Variants in TAFA2 observed in about 807,000 individuals in gnomAD.
TAFA2 encodes the protein chemokine-like protein TAFA-2.
A neutral mutation model predicts 18.8 loss-of-function variants in TAFA2; 7 were observed. The observed-to-expected ratio is 0.37, with a 90% CI of 0.21 to 0.70. The LOEUF (loss-of-function observed/expected upper bound fraction) is 0.70, where lower values mean the gene tolerates loss of function less well. TAFA2 is among the 30% of genes least tolerant of loss of function. The probability of loss-of-function intolerance (pLI) is 0.53; values close to 1 mark genes in which losing one functional copy is unlikely to be tolerated. For missense variants in TAFA2, 122 were observed against 158.1 expected, an observed-to-expected ratio of 0.77 and a Z score of 1.23; for synonymous variants, 60 against 54.2, an observed-to-expected ratio of 1.11 and a Z score of -0.47.
At chr12:61,897,741 G>A (rs1875914486) in intron 1 of TAFA2, among the ~76,000 whole-genome samples, 2 of 152,140 alleles carry the variant, frequency 1.3e-5, no homozygotes, top group African/African-American at 4.8e-5. Context: ...GGGACACAGA[G>A]CCAAACCATA....
At chr12:62,225,822 A>C (rs1321581812) in intron 1 of TAFA2, among the ~76,000 whole-genome samples, 1 of 152,216 alleles carries the variant, frequency 6.6e-6, no homozygotes, top group Admixed American at 6.5e-5. Context: ...TTAATAACAC[A>C]TTCTTGGCAA....
chr12:62,074,284 T>C (rs755041147), intron 1 of TAFA2, among the ~76,000 whole-genome samples: 2 of 152,238 alleles, frequency 1.3e-5, no homozygotes, highest in African/African-American at 2.4e-5. Context: ...CCAGCAAATA[T>C]CATTAAGTAC....
At chr12:61,973,414 T>C (rs1440227691) in intron 1 of TAFA2, among the ~76,000 whole-genome samples, 1 of 120,468 alleles carries the variant, frequency 8.3e-6, no homozygotes, top group African/African-American at 2.8e-5. Flanking sequence ...TTTTTTTTTT[T>C]AGTTTTCATT....
At chr12:61,864,059 C>G (rs1174227281) in intron 2 of TAFA2, among the ~76,000 whole-genome samples, 2 of 152,110 alleles carry the variant, frequency 1.3e-5, no homozygotes, top group African/African-American at 2.4e-5. Context: ...CTCCTGAGAG[C>G]ACTCTTTCAA....
rs2062462169 is a variant in TAFA2, at chr12:62,169,477, TGTAA to T, written c.-2+21778_-2+21781del. ...TTAAATACGTATTTAGTAAAAATTTTGTAAGTGTTTATTGGTTATAATAATTCGT... is the reference window on the plus strand; with the variant it reads ...TTAAATACGTATTTAGTAAAAATTTTGTGTTTATTGGTTATAATAATTCGT... On this transcript the variant is annotated intron_variant, in intron 1 of 4. Transcript: ENST00000416284. Among the ~76,000 whole-genome samples the T allele has an allele frequency of 2.0e-5, 3 of 152,174 alleles. No homozygotes were observed. In the South Asian group the frequency reaches 6.2e-4, roughly 32 times the overall value.
chr12:62,099,735 A>G (rs1869106555), intron 1 of TAFA2, among the ~76,000 whole-genome samples: 1 of 152,130 alleles, frequency 6.6e-6, no homozygotes, highest in Non-Finnish European at 1.5e-5. Context: ...CTTCACATAT[A>G]TGATGTCATC....
At chr12:61,724,469 T>C (rs1325237280) in intron 4 of TAFA2, among the ~76,000 whole-genome samples, 1 of 151,890 alleles carries the variant, frequency 6.6e-6, no homozygotes, top group Admixed American at 6.6e-5. Context: ...ATTTCTGAGA[T>C]TTTTGTACAC....
rs145379995 is a variant in TAFA2, at chr12:61,750,349, G to A, written c.384+3273C>T. ...TTTTCCACCTTTAGACTGAGAAATG[G>A]GGTTTGGGAAACAACTGTTGCATCT... On this transcript the variant is annotated intron_variant, in intron 4 of 4. Coordinates refer to ENST00000416284, the MANE Select transcript of TAFA2 (RefSeq NM_178539.5). 2.1e-3 allele frequency among the ~76,000 whole-genome samples: 318 copies of A among 152,100 alleles called. 3 individuals carry two copies. Among genetic ancestry groups the A allele is most frequent in the African/African-American group, 7.2e-3 (299 of 41,514 alleles).
chr12:61,911,053 T>A (rs1419122495), intron 1 of TAFA2, among the ~76,000 whole-genome samples: 1 of 152,234 alleles, frequency 6.6e-6, no homozygotes, highest in Admixed American at 6.5e-5. Flanking sequence ...GAAGGTTGTG[T>A]TAATTGGTAT....
chr12:62,144,086 A>C (rs1053340849), intron 1 of TAFA2, among the ~76,000 whole-genome samples: 68 of 149,824 alleles, frequency 4.5e-4, no homozygotes, highest in African/African-American at 1.6e-3. Flanking sequence ...TAAAACTCTC[A>C]TACGATGACC....
At chr12:61,968,759 A>T (rs947274240) in intron 1 of TAFA2, among the ~76,000 whole-genome samples, 1 of 151,726 alleles carries the variant, frequency 6.6e-6, no homozygotes, top group Non-Finnish European at 1.5e-5. Context: ...AATCAATCAC[A>T]TTAGGAAACT....
intron 1 of TAFA2, among the ~76,000 whole-genome samples, chr12:62,249,272 T>TAA (rs35144994): frequency 0.023 from 3,114 of 137,630 alleles, 113 homozygotes; most frequent in African/African-American, 0.07. Flanking sequence ...TTTTTTTTCC[T>TAA]AAAAAAAAAA....
intron 1 of TAFA2, among the ~76,000 whole-genome samples, chr12:62,212,248 C>A (rs781398439): frequency 2.4e-4 from 36 of 152,220 alleles, no homozygotes; most frequent in Non-Finnish European, 4.6e-4. Flanking sequence ...AGTTTGTATT[C>A]AAAATATCCC....
intron 1 of TAFA2, among the ~76,000 whole-genome samples, chr12:62,211,017 C>A (rs749101564): frequency 6.6e-6 from 1 of 152,018 alleles, no homozygotes; most frequent in East Asian, 1.9e-4. Context: ...AAGTCAAGTT[C>A]TACCAAGCTG....
chr12:61,994,225 C>A (rs1015984419), intron 1 of TAFA2, among the ~76,000 whole-genome samples: 1 of 152,130 alleles, frequency 6.6e-6, no homozygotes, highest in African/African-American at 2.4e-5. Context: ...GGGAAGCCAC[C>A]AAAGTGGAGC....
At chr12:62,076,739 C>A (rs1868250514) in intron 1 of TAFA2, among the ~76,000 whole-genome samples, 1 of 152,176 alleles carries the variant, frequency 6.6e-6, no homozygotes, top group Non-Finnish European at 1.5e-5. Context: ...CCCAACAGTT[C>A]TATTGCTATG....
intron 2 of TAFA2, among the ~76,000 whole-genome samples, chr12:61,801,770 A>C (rs1871406630): frequency 6.6e-6 from 1 of 152,122 alleles, no homozygotes; most frequent in Non-Finnish European, 1.5e-5. Context: ...GAACTATATC[A>C]AACTAAAATG....
chr12:61,779,891 A>G (rs1324824039), intron 2 of TAFA2, among the ~76,000 whole-genome samples: 2 of 151,694 alleles, frequency 1.3e-5, no homozygotes, highest in African/African-American at 4.8e-5. Context: ...CCTTTTTATG[A>G]CTATAAATAT....
At chr12:62,157,212 TC>T (rs1592372065) in intron 1 of TAFA2, among the ~76,000 whole-genome samples, 1 of 152,198 alleles carries the variant, frequency 6.6e-6, no homozygotes, top group Admixed American at 6.5e-5. Context: ...TGTGTTTTTT[TC>T]TTTCAAGAAG....
Sources: allele counts gnomAD v4.1 joint callset (sites outside exome capture counted in the v4.1 genomes callset), GRCh38; gene constraint gnomAD v4.1.1; transcripts MANE v1.5; gene names NCBI Gene and HGNC (gene_info 2026-07-23, HGNC 2026-07-21).